CHN2: variants seen among roughly 807,000 people sequenced by gnomAD.
CHN2 encodes the protein beta-chimaerin.
CHN2 carries 35 observed loss-of-function variants against 56.3 expected under a neutral mutation model. The ratio of observed to expected loss-of-function variants is 0.62; its 90% CI spans 0.47 to 0.82. CHN2 has a LOEUF of 0.82. CHN2 is among the 40% of genes least tolerant of loss of function. The probability of loss-of-function intolerance (pLI) is 0.00; values close to 1 mark genes in which losing one functional copy is unlikely to be tolerated. For synonymous variants in CHN2, 210 were observed against 212.8 expected (o/e 0.99, Z 0.12); for missense variants, 491 against 580.5 (o/e 0.85, Z 1.58).
chr7:29,266,457 A>C (rs1584915440), intron 1 of CHN2, among the ~76,000 whole-genome samples: 1 of 152,204 alleles, frequency 6.6e-6, no homozygotes, highest in East Asian at 1.9e-4. Flanking sequence ...GTCAATTACA[A>C]GGCTGTGGTC....
At chr7:29,388,471 G>C (rs953052321) in intron 3 of CHN2, among the ~76,000 whole-genome samples, 1 of 132,358 alleles carries the variant, frequency 7.6e-6, no homozygotes, top group Non-Finnish European at 1.6e-5. Context: ...ACTGTTGCAA[G>C]CATATTACAC....
chr7:29,254,982 G>A (rs924098957), intron 1 of CHN2, among the ~76,000 whole-genome samples: 1 of 152,172 alleles, frequency 6.6e-6, no homozygotes, highest in African/African-American at 2.4e-5. Context: ...CCTACCAAGA[G>A]AGCGTGCAGG....
At chr7:29,343,844 A>G (rs554381674) in intron 1 of CHN2, among the ~76,000 whole-genome samples, 1 of 151,126 alleles carries the variant, frequency 6.6e-6, no homozygotes, top group Admixed American at 6.6e-5. Flanking sequence ...CCATTCCTGG[A>G]TCTCCAGTCC....
chr7:29,509,038 G>A (rs578061813), intron 11 of CHN2, among the ~76,000 whole-genome samples: 1 of 152,304 alleles, frequency 6.6e-6, no homozygotes, highest in South Asian at 2.1e-4. Context: ...CATTCTGCTG[G>A]TTTACAGATT....
intron 1 of CHN2, among the ~76,000 whole-genome samples, chr7:29,252,591 T>TGTTTTGTTTTG (rs1352958729): frequency 4.4e-4 from 11 of 25,100 alleles, no homozygotes; most frequent in East Asian, 2.2e-3. Flanking sequence ...TTTTTTTTTT[T>TGTTTTGTTTTG]TTTTTTTTTT....
At chr7:29,427,742 C>T (rs1229089472) in intron 6 of CHN2, among the ~76,000 whole-genome samples, 4 of 150,896 alleles carry the variant, frequency 2.7e-5, no homozygotes, top group African/African-American at 9.8e-5. Context: ...CTGAAACCAC[C>T]GCCTCCTGGG....
At chr7:29,379,274 G>T (rs1800310527) in intron 3 of CHN2, among the ~76,000 whole-genome samples, 2 of 152,210 alleles carry the variant, frequency 1.3e-5, no homozygotes, top group African/African-American at 4.8e-5. Context: ...AGAGATGGAA[G>T]CCTGTTAGCA....
intron 7 of CHN2, among the ~76,000 whole-genome samples, chr7:29,485,006 T>G (rs1787798750): frequency 6.6e-6 from 1 of 152,226 alleles, no homozygotes. Flanking sequence ...TATCAGTGCT[T>G]CATTGCTCTG....
At chr7:29,372,773 T>TC (rs1314238361) in intron 3 of CHN2, among the ~76,000 whole-genome samples, 2 of 152,334 alleles carry the variant, frequency 1.3e-5, no homozygotes, top group East Asian at 3.9e-4. Flanking sequence ...CCTGGACTAA[T>TC]CCAAGTTTCT....
intron 2 of CHN2, among the ~76,000 whole-genome samples, chr7:29,360,457 T>C (rs1310020953): frequency 2.6e-5 from 4 of 151,502 alleles, no homozygotes; most frequent in African/African-American, 9.7e-5. Flanking sequence ...GAGGCAGAGG[T>C]TGTGGTTAGC....
chr7:29,400,940 G>A (rs112707215), intron 6 of CHN2, 112 bp downstream of exon 6: 29 of 1,059,738 alleles, frequency 2.7e-5, no homozygotes, highest in African/African-American at 1.6e-4. Flanking sequence ...ACCCCCACCC[G>A]AAGAACTCTA....
At chr7:29,148,170 T>C (rs1793039480) in intron 2 of CHN2, among the ~76,000 whole-genome samples, 1 of 152,148 alleles carries the variant, frequency 6.6e-6, no homozygotes, top group African/African-American at 2.4e-5. Flanking sequence ...TCAGTGCCAT[T>C]TGGGGAGGGA....
chr7:29,261,067 C>T (rs552994408), intron 1 of CHN2, among the ~76,000 whole-genome samples: 14 of 152,304 alleles, frequency 9.2e-5, no homozygotes, highest in Admixed American at 7.8e-4. Context: ...GATACCCCCC[C>T]ACCTACTTTT....
At chr7:29,353,644 A>G (rs1054948453) in intron 1 of CHN2, among the ~76,000 whole-genome samples, 1 of 152,194 alleles carries the variant, frequency 6.6e-6, no homozygotes, top group East Asian at 1.9e-4. Flanking sequence ...AAAAAAAGAA[A>G]GAAAGAAAAG....
At chr7:29,396,208 C>T (rs954252845) in intron 4 of CHN2, among the ~76,000 whole-genome samples, 30 of 151,958 alleles carry the variant, frequency 2.0e-4, no homozygotes, top group East Asian at 3.9e-4. Context: ...TTTGGGAGAC[C>T]GAGGCGGGTT....
chr7:29,238,486 C>T (rs1769761854), intron 1 of CHN2, among the ~76,000 whole-genome samples: 1 of 152,038 alleles, frequency 6.6e-6, no homozygotes, highest in African/African-American at 2.4e-5. Context: ...ATTTATTTAA[C>T]ATATATTGAT....
rs773606933 is a variant in CHN2, at chr7:29,305,584, A to G, written c.50-49041A>G. Among the ~76,000 whole-genome samples, 19 of 152,310 alleles carry G rather than the reference A, an allele frequency of 1.2e-4. No individual in the cohort carries two copies. The Middle Eastern group carries it at 0.01, about 82-fold the overall frequency. The stretch of plus-strand genomic sequence containing the variant: ...TTGGGTCAATAGCTGGATAATTTTT[A>G]GAGACTAGTAATCAAAGCAATTGTA... On this transcript the variant is annotated intron_variant, in intron 1 of 12. Transcript: ENST00000222792.
At chr7:29,329,137 C>G (rs1796022412) in intron 1 of CHN2, among the ~76,000 whole-genome samples, 1 of 152,016 alleles carries the variant, frequency 6.6e-6, no homozygotes, top group African/African-American at 2.4e-5. Flanking sequence ...AATGGGACAG[C>G]AGATAGACTG....
chr7:29,441,049 A>G (rs574988910), intron 6 of CHN2, among the ~76,000 whole-genome samples: 5 of 152,228 alleles, frequency 3.3e-5, no homozygotes, highest in Admixed American at 1.3e-4. Flanking sequence ...GATATTTTCT[A>G]TAATGAGAAC....
Sources: gnomAD v4.1 joint callset for allele counts (sites outside exome capture counted in the v4.1 genomes callset) on GRCh38, gnomAD v4.1.1 for gene constraint, MANE v1.5 for transcripts, NCBI Gene and HGNC (gene_info 2026-07-23, HGNC 2026-07-21) for gene names.